Variants in ITGA2 observed in about 807,000 individuals in gnomAD.
The protein encoded by ITGA2 is integrin alpha-2.
A neutral mutation model predicts 146.3 loss-of-function variants in ITGA2; 101 were observed. The ratio of observed to expected loss-of-function variants is 0.69; its 90% CI spans 0.59 to 0.81. The LOEUF is 0.81. ITGA2 is among the 40% of genes least tolerant of loss of function. The pLI, the probability that ITGA2 is intolerant of heterozygous loss-of-function variation, is 0.00. For missense variants in ITGA2, 1,281 were observed against 1,402.7 expected, an observed-to-expected ratio of 0.91 and a Z score of 1.39; for synonymous variants, 477 against 487.1, an observed-to-expected ratio of 0.98 and a Z score of 0.27.
intron 3 of ITGA2, among the ~76,000 whole-genome samples, chr5:53,044,044 G>A (rs1327690976): frequency 3.3e-5 from 5 of 151,872 alleles, no homozygotes; most frequent in Non-Finnish European, 7.4e-5. Context: ...GGAGGCCGAG[G>A]TGGGTAGATA....
intron 1 of ITGA2, among the ~76,000 whole-genome samples, chr5:53,015,628 G>A (rs1268388943): frequency 6.6e-6 from 1 of 151,904 alleles, no homozygotes; most frequent in African/African-American, 2.4e-5. Flanking sequence ...GTGTCAATCA[G>A]GTCCTAAATA....
intron 27 of ITGA2, among the ~76,000 whole-genome samples, chr5:53,086,568 C>T (rs1203883207): frequency 6.6e-6 from 1 of 152,166 alleles, no homozygotes; most frequent in Non-Finnish European, 1.5e-5. Context: ...TCTCATGTCA[C>T]AAACTTATTT....
intron 1 of ITGA2, among the ~76,000 whole-genome samples, chr5:52,997,294 C>T (rs947877819): frequency 5.3e-5 from 8 of 152,188 alleles, no homozygotes; most frequent in African/African-American, 1.4e-4. Context: ...GCATTATTAT[C>T]TTGTTCTGAA....
chr5:53,080,561 C>G lies in ITGA2; in HGVS notation c.2979C>G (p.Ile993Met), dbSNP rs1247232342. Residue 993 changes from isoleucine to methionine, a missense_variant, in exon 25 of 30, where the codon ATC becomes ATG. Physicochemically the swap from Ile to Met is conservative, Grantham distance 10 (BLOSUM62 1). Around this residue, in one of 3 missense-constraint regions of ITGA2, gnomAD observed 475 missense variants for 530.5 expected, o/e 0.90. Coordinates refer to ENST00000296585, the MANE Select transcript of ITGA2 (RefSeq NM_002203.4). Reference protein sequence around the residue: ...PVSMATVIIHIPQYTKEKNPL... With the variant: ...PVSMATVIIHMPQYTKEKNPL... Reference sequence around the variant, plus strand: ...GCATGGCAACTGTAATCATCCACATCCCTCAGTATACCAAAGAAAAGAACC... The same window carrying G: ...GCATGGCAACTGTAATCATCCACATGCCTCAGTATACCAAAGAAAAGAACC... 1 of 1,613,678 alleles carries G rather than the reference C, an allele frequency of 6.2e-7. No individual in the cohort carries two copies. The highest frequency in any genetic ancestry group is 1.1e-5 in the South Asian group (1 of 91,068).
At chr5:53,079,301 G>A (rs1342771442) in intron 24 of ITGA2, among the ~76,000 whole-genome samples, 1 of 152,010 alleles carries the variant, frequency 6.6e-6, no homozygotes, top group Non-Finnish European at 1.5e-5. Context: ...TATTGCTGTG[G>A]GTAAAAGTCT....
At chr5:53,064,889 T>A (rs537000551) in intron 13 of ITGA2, 23 bp from the exon 14 acceptor site, 1 of 1,607,872 alleles carries the variant, frequency 6.2e-7, no homozygotes, top group Non-Finnish European at 8.5e-7. Flanking sequence ...GCTTTAATCA[T>A]CCTTTTGTTT....
intron 1 of ITGA2, among the ~76,000 whole-genome samples, chr5:53,004,980 A>G (rs1266052970): frequency 7.6e-6 from 1 of 131,752 alleles, no homozygotes; most frequent in Non-Finnish European, 1.5e-5. Flanking sequence ...TCCTTTCAAC[A>G]TGAAGACAAT....
chr5:53,000,995 G>A (rs974745666), intron 1 of ITGA2, among the ~76,000 whole-genome samples: 5 of 142,464 alleles, frequency 3.5e-5, no homozygotes, highest in South Asian at 2.3e-4. Context: ...TCCAACTCCC[G>A]GGTTCAAGCG....
chr5:53,033,051 T>C (rs944490353), intron 2 of ITGA2, among the ~76,000 whole-genome samples: 3 of 152,146 alleles, frequency 2.0e-5, no homozygotes, highest in Non-Finnish European at 4.4e-5. Flanking sequence ...GCGGATCACT[T>C]GAGGTCAGGA....
At chr5:53,044,920 G>A (rs1744001840) in intron 3 of ITGA2, 81 bp from the exon 4 acceptor site, 1 of 932,874 alleles carries the variant, frequency 1.1e-6, no homozygotes, top group East Asian at 2.6e-5. Flanking sequence ...ATGCAAACAT[G>A]GGTGTGCCTG....
At chr5:53,053,493 C>G (rs567721380) in intron 7 of ITGA2, among the ~76,000 whole-genome samples, 1 of 152,062 alleles carries the variant, frequency 6.6e-6, no homozygotes, top group Non-Finnish European at 1.5e-5. Flanking sequence ...TGCAACGGCC[C>G]GGTTTTCAGC....
At chr5:53,009,465 G>T (rs959700928) in intron 1 of ITGA2, among the ~76,000 whole-genome samples, 1 of 152,220 alleles carries the variant, frequency 6.6e-6, no homozygotes, top group Admixed American at 6.5e-5. Flanking sequence ...ACCTAATTGG[G>T]TCTTATTGTT....
At chr5:53,055,461 T>C (rs1406572664) in intron 7 of ITGA2, 77 bp from the exon 8 acceptor site, 1 of 1,338,098 alleles carries the variant, frequency 7.5e-7, no homozygotes, top group Non-Finnish European at 1.1e-6. Flanking sequence ...AGTTTCATGT[T>C]TCTATTTTAA....
rs1490350036 is a variant in ITGA2 at position 53,040,192 on chromosome 5, T to C, written c.186-1920T>C. On this transcript the variant is annotated intron_variant, in intron 2 of 29. Transcript: ENST00000296585. ...AATTTGAAGGAGAAGCTAAATTCGA[T>C]ATGACTGAAATGTGATTTCAGGAAG... Among the ~76,000 whole-genome samples the C allele has an allele frequency of 2.0e-5, 3 of 152,134 alleles. No homozygotes were observed. In the South Asian group the frequency reaches 6.2e-4, roughly 32 times the overall value.
At chr5:53,061,293 G>A (rs995519111) in intron 12 of ITGA2, among the ~76,000 whole-genome samples, 5 of 151,862 alleles carry the variant, frequency 3.3e-5, no homozygotes, top group African/African-American at 1.2e-4. Flanking sequence ...GGATTGAGCT[G>A]TCATTAAAAC....
chr5:53,021,675 C>T (rs1238148554), intron 1 of ITGA2, among the ~76,000 whole-genome samples: 1 of 152,202 alleles, frequency 6.6e-6, no homozygotes, highest in East Asian at 1.9e-4. Flanking sequence ...GAGAAATGTG[C>T]TCCACCTTCT....
At chr5:53,059,526 C>T (rs1463821933) in intron 10 of ITGA2, among the ~76,000 whole-genome samples, 1 of 151,930 alleles carries the variant, frequency 6.6e-6, no homozygotes, top group Non-Finnish European at 1.5e-5. Flanking sequence ...GAGAGACTCA[C>T]TTCTGACTCC....
intron 2 of ITGA2, 107 bp from the exon 3 acceptor site, chr5:53,042,005 A>G: frequency 1.3e-6 from 1 of 771,906 alleles, no homozygotes; most frequent in Non-Finnish European, 2.3e-6. Flanking sequence ...ACAAATATAA[A>G]CTGTTCACAT....
Position 53,073,148 on chromosome 5 carries a change from C to T in ITGA2, c.2460C>T (p.Asn820=). The change falls in exon 20 of 30, where the codon AAC becomes AAT. Residue 820 remains asparagine (N), a synonymous_variant. Coordinates refer to ENST00000296585, the MANE Select transcript of ITGA2 (RefSeq NM_002203.4). ...AACCCTTTATTGTCAGCAACCAAAACAAAAGGTTAACATTTTCAGTAACGC... is the reference window on the plus strand; with the variant it reads ...AACCCTTTATTGTCAGCAACCAAAATAAAAGGTTAACATTTTCAGTAACGC... ...QEQPFIVSNQ[N]KRLTFSVTLK... is the part of the protein sequence containing the mutation. 6.2e-7 allele frequency: 1 copy of T among 1,612,108 alleles called. No homozygotes were observed. The highest frequency in any genetic ancestry group is 8.5e-7 in the Non-Finnish European group (1 of 1,178,768).
Sources: allele counts gnomAD v4.1 joint callset (sites outside exome capture counted in the v4.1 genomes callset), GRCh38; gene constraint gnomAD v4.1.1; regional missense constraint gnomAD v4.1.1; transcripts MANE v1.5; gene names NCBI Gene and HGNC (gene_info 2026-07-23, HGNC 2026-07-21).